Variants in MALRD1 observed in about 807,000 individuals in gnomAD.
The protein encoded by MALRD1 is MAM and LDL-receptor class A domain-containing protein 1.
MALRD1 carries 247 observed loss-of-function variants against 242.1 expected under a neutral mutation model. That is an observed-to-expected ratio of 1.02 (90% CI 0.92 to 1.13). MALRD1 has a LOEUF of 1.13. Ranked by LOEUF, MALRD1 falls within the 50% of genes most tolerant of loss-of-function variation. The pLI, the probability that MALRD1 is intolerant of heterozygous loss-of-function variation, is 0.00. For missense variants in MALRD1, 2,989 were observed against 2,533.1 expected (o/e 1.18, Z -3.86); for synonymous variants, 995 against 866.6 (o/e 1.15, Z -2.60).
At chr10:19,358,853 C>T (rs1348276364) in intron 26 of MALRD1, among the ~76,000 whole-genome samples, 1 of 152,152 alleles carries the variant, frequency 6.6e-6, no homozygotes, top group East Asian at 1.9e-4. Context: ...CTTTCTTCCT[C>T]ATGTTCTATT....
intron 17 of MALRD1, among the ~76,000 whole-genome samples, chr10:19,207,446 C>G (rs1836832405): frequency 6.6e-6 from 1 of 152,086 alleles, no homozygotes; most frequent in African/African-American, 2.4e-5. Flanking sequence ...AGTACCTAGT[C>G]CTATATATAC....
intron 28 of MALRD1, among the ~76,000 whole-genome samples, chr10:19,437,949 T>C (rs1419344438): frequency 1.3e-5 from 2 of 152,150 alleles, no homozygotes; most frequent in Admixed American, 1.3e-4. Flanking sequence ...CTTACAATTT[T>C]TGGTAGTTTC....
At chr10:19,292,309 A>C (rs181624011) in intron 21 of MALRD1, among the ~76,000 whole-genome samples, 1 of 152,110 alleles carries the variant, frequency 6.6e-6, no homozygotes, top group East Asian at 1.9e-4. Flanking sequence ...TTTCTGTTGG[A>C]TCAAAACAAA....
At chr10:19,140,424 A>G (rs756722086) in intron 10 of MALRD1, among the ~76,000 whole-genome samples, 2 of 152,120 alleles carry the variant, frequency 1.3e-5, no homozygotes, top group Non-Finnish European at 2.9e-5. Flanking sequence ...AAATGAGGGC[A>G]GTTAAGATTA....
intron 29 of MALRD1, among the ~76,000 whole-genome samples, chr10:19,451,307 G>A (rs1835311248): frequency 6.6e-6 from 1 of 151,964 alleles, no homozygotes; most frequent in African/African-American, 2.4e-5. Flanking sequence ...TGAGAGCTGT[G>A]CTTGGGAGAT....
At chr10:19,058,797 G>A (rs796560315) in intron 1 of MALRD1, among the ~76,000 whole-genome samples, 49 of 151,818 alleles carry the variant, frequency 3.2e-4, no homozygotes, top group African/African-American at 1.1e-3. Context: ...AATCCCAATT[G>A]AAAACAAAAA....
intron 28 of MALRD1, among the ~76,000 whole-genome samples, chr10:19,446,851 G>T (rs1052839671): frequency 6.6e-6 from 1 of 152,064 alleles, no homozygotes; most frequent in Admixed American, 6.6e-5. Flanking sequence ...ATTAAAATCT[G>T]TATATATACA....
Position 19,734,366 on chromosome 10 carries a change from C to A in MALRD1, c.*129C>A. Reference sequence around the variant, plus strand: ...ATTGTAAATGCCAGTGTAATTATAACATTTATGAATGAATTTTCTTGCAGA... The same window carrying A: ...ATTGTAAATGCCAGTGTAATTATAAAATTTATGAATGAATTTTCTTGCAGA... On this transcript the variant is annotated 3_prime_UTR_variant, in exon 40 of 40. Transcript: ENST00000454679. 1.4e-6 allele frequency: 1 copy of A among 713,802 alleles called. No homozygotes were observed. Among genetic ancestry groups the A allele is most frequent in the Non-Finnish European group, 2.2e-6 (1 of 456,550 alleles). 44.2% of individuals were successfully genotyped at this position (713,802 alleles called of 1,614,324 possible).
At position 19,342,494 on chromosome 10, in the gene MALRD1, TAAAC is replaced by T. The variant is rs1158720655; in HGVS notation, c.3902-5275_3902-5272del. ...TTGTCTAGTAAAAGAGATATGTAAA[TAAAC>T]ATTTGCATTTCTTGAGAGTTAGAGA... On this transcript the variant is annotated intron_variant, in intron 24 of 39. Coordinates refer to ENST00000454679, the MANE Select transcript of MALRD1 (RefSeq NM_001142308.3). 2.0e-5 allele frequency among the ~76,000 whole-genome samples: 3 copies of T among 152,120 alleles called. No individual in the cohort carries two copies. The East Asian group carries it at 5.8e-4, about 29-fold the overall frequency.
At chr10:19,527,531 C>A (rs548201801) in intron 31 of MALRD1, among the ~76,000 whole-genome samples, 7 of 152,204 alleles carry the variant, frequency 4.6e-5, no homozygotes, top group African/African-American at 1.2e-4. Flanking sequence ...ATCAGGTTGA[C>A]ACTACAACAT....
intron 21 of MALRD1, among the ~76,000 whole-genome samples, chr10:19,321,377 G>A (rs1430288618): frequency 6.6e-6 from 1 of 152,076 alleles, no homozygotes; most frequent in African/African-American, 2.4e-5. Flanking sequence ...GGCTCAGGAA[G>A]GATGATGGGA....
At chr10:19,579,734 G>A (rs1837013127) in intron 33 of MALRD1, among the ~76,000 whole-genome samples, 1 of 152,184 alleles carries the variant, frequency 6.6e-6, no homozygotes, top group African/African-American at 2.4e-5. Flanking sequence ...ACCAAAAACG[G>A]TAGACTTAAC....
chr10:19,374,147 A>G (rs1298966864), intron 26 of MALRD1, among the ~76,000 whole-genome samples: 3 of 152,222 alleles, frequency 2.0e-5, no homozygotes, highest in Admixed American at 6.5e-5. Context: ...CTTAGTCTGC[A>G]TATATAAATA....
chr10:19,052,548 A>C (rs2131201174), intron 1 of MALRD1, among the ~76,000 whole-genome samples: 1 of 152,130 alleles, frequency 6.6e-6, no homozygotes, highest in East Asian at 1.9e-4. Context: ...TGCTGATTAC[A>C]CGGCCTGGGG....
intron 26 of MALRD1, among the ~76,000 whole-genome samples, chr10:19,381,738 C>T (rs111328475): frequency 7.9e-5 from 12 of 151,584 alleles, no homozygotes; most frequent in African/African-American, 2.9e-4. Flanking sequence ...ACTTAGGAGG[C>T]TGAGGCAGGA....
intron 5 of MALRD1, among the ~76,000 whole-genome samples, chr10:19,110,109 G>A (rs1292442559): frequency 2.0e-5 from 3 of 152,138 alleles, no homozygotes; most frequent in Non-Finnish European, 2.9e-5. Context: ...CAACACTCTG[G>A]TGCTTTCCCT....
chr10:19,227,799 G>A (rs1333962772), intron 18 of MALRD1, among the ~76,000 whole-genome samples: 1 of 151,996 alleles, frequency 6.6e-6, no homozygotes, highest in Non-Finnish European at 1.5e-5. Flanking sequence ...TGACCTAAAT[G>A]GGCCAAATAT....
intron 28 of MALRD1, among the ~76,000 whole-genome samples, chr10:19,410,641 C>T (rs1203922771): frequency 1.3e-5 from 2 of 150,704 alleles, no homozygotes; most frequent in African/African-American, 2.4e-5. Context: ...TCCCTCCCTC[C>T]CCTCCTCCCC....
At chr10:19,606,391 A>G (rs1838625345) in intron 34 of MALRD1, among the ~76,000 whole-genome samples, 1 of 152,134 alleles carries the variant, frequency 6.6e-6, no homozygotes, top group East Asian at 1.9e-4. Flanking sequence ...CGTTAAGTAA[A>G]TCAGAGGAAA....
Sources: gnomAD v4.1 joint callset for allele counts (sites outside exome capture counted in the v4.1 genomes callset) on GRCh38, gnomAD v4.1.1 for gene constraint, MANE v1.5 for transcripts, NCBI Gene and HGNC (gene_info 2026-07-23, HGNC 2026-07-21) for gene names.